Variants in MBNL2 observed in about 807,000 individuals in gnomAD.
MBNL2 encodes muscleblind like splicing regulator 2, also known as muscleblind-like protein 2.
A neutral mutation model predicts 41.9 loss-of-function variants in MBNL2; 17 were observed. That is an observed-to-expected ratio of 0.41 (90% CI 0.28 to 0.61). The LOEUF (loss-of-function observed/expected upper bound fraction) is 0.61. MBNL2 is among the 20% of genes least tolerant of loss of function. The pLI, the probability that MBNL2 is intolerant of heterozygous loss-of-function variation, is 0.35. For synonymous variants in MBNL2, 195 were observed against 182.9 expected (o/e 1.07, Z -0.53); for missense variants, 336 against 505.6 (o/e 0.66, Z 3.22).
intron 1 of MBNL2, among the ~76,000 whole-genome samples, chr13:97,257,708 C>A (rs1463697830): frequency 6.6e-6 from 1 of 152,230 alleles, no homozygotes; most frequent in Admixed American, 6.5e-5. Flanking sequence ...GCCCAGGGAG[C>A]TCCATGTAAA....
At chr13:97,274,143 A>G (rs1341682919) in intron 1 of MBNL2, among the ~76,000 whole-genome samples, 2 of 152,218 alleles carry the variant, frequency 1.3e-5, no homozygotes, top group African/African-American at 4.8e-5. Context: ...AGAGTTAAAT[A>G]AACTTAATTG....
chr13:97,150,371 C>T, the MBNL2 span, among the ~76,000 whole-genome samples: 3 of 152,184 alleles, frequency 2.0e-5, no homozygotes, highest in African/African-American at 7.2e-5. Context: ...TTGCCAAGTA[C>T]ATTCTAACGA....
intron 2 of MBNL2, among the ~76,000 whole-genome samples, chr13:97,320,086 A>C (rs1358789387): frequency 6.6e-6 from 1 of 152,160 alleles, no homozygotes. Flanking sequence ...GACAAAATAC[A>C]TTATCTAACA....
At chr13:97,154,925 T>C in the MBNL2 span, among the ~76,000 whole-genome samples, 1 of 151,940 alleles carries the variant, frequency 6.6e-6, no homozygotes, top group Non-Finnish European at 1.5e-5. Flanking sequence ...ACTGCACAAA[T>C]AGTATTGAGG....
the MBNL2 span, among the ~76,000 whole-genome samples, chr13:97,209,512 A>C: frequency 6.6e-6 from 1 of 152,228 alleles, no homozygotes; most frequent in African/African-American, 2.4e-5. Context: ...TGTTCAAAGG[A>C]GAGTGTGCAA....
chr13:97,248,259 C>T (rs1319334219), intron 1 of MBNL2, among the ~76,000 whole-genome samples: 1 of 152,174 alleles, frequency 6.6e-6, no homozygotes, highest in Non-Finnish European at 1.5e-5. Flanking sequence ...GTAGCTGGGA[C>T]TACAGGCGTG....
intron 8 of MBNL2, among the ~76,000 whole-genome samples, chr13:97,386,599 G>C (rs1178518458): frequency 1.3e-5 from 2 of 152,186 alleles, no homozygotes; most frequent in East Asian, 3.9e-4. Context: ...TGAGTCAATG[G>C]CAGGCAATTC....
the MBNL2 span, among the ~76,000 whole-genome samples, chr13:97,180,740 T>TAAAAAAAAAAA: frequency 3.5e-5 from 3 of 86,006 alleles, no homozygotes; most frequent in African/African-American, 4.6e-5. Context: ...AGACTCCATC[T>TAAAAAAAAAAA]AAAAAAAAAA....
chr13:97,294,751 TCTTA>T (rs1284497881), intron 2 of MBNL2, among the ~76,000 whole-genome samples: 1 of 152,184 alleles, frequency 6.6e-6, no homozygotes, highest in East Asian at 1.9e-4. Context: ...TCCCTGAAGG[TCTTA>T]CTTAAAGTTT....
intron 2 of MBNL2, among the ~76,000 whole-genome samples, chr13:97,294,558 T>G (rs541852021): frequency 6.6e-6 from 1 of 152,294 alleles, no homozygotes; most frequent in African/African-American, 2.4e-5. Flanking sequence ...GGCTGCCAAA[T>G]GATATTCCTT....
At chr13:97,215,220 A>G in the MBNL2 span, among the ~76,000 whole-genome samples, 2 of 152,190 alleles carry the variant, frequency 1.3e-5, no homozygotes, top group Non-Finnish European at 2.9e-5. Context: ...AAACCAGAAA[A>G]ACAATGAGAC....
rs1163499488 is a variant in MBNL2, at chr13:97,334,512, G to A, written c.339+72G>A. Reference sequence around the variant, plus strand: ...GTATGGATGATGCCACGTTGACCTAGGGTGGCCTCTCTCCACTTTGTCACT... The same window carrying A: ...GTATGGATGATGCCACGTTGACCTAAGGTGGCCTCTCTCCACTTTGTCACT... On this transcript the variant is annotated intron_variant, in intron 3 of 8. Coordinates refer to ENST00000679496, the MANE Select transcript of MBNL2 (RefSeq NM_001382683.1). The surrounding 1 kb of genome is among the most constrained non-coding windows in gnomAD (Gnocchi z 5.3). 6 of 1,125,654 alleles carry A rather than the reference G, an allele frequency of 5.3e-6. No homozygotes were observed. Among genetic ancestry groups the A allele is most frequent in the Non-Finnish European group, 7.4e-6 (6 of 809,400 alleles). 69.7% of individuals were successfully genotyped at this position (1,125,654 alleles called of 1,614,324 possible). A position where few individuals can be genotyped will look rare whatever the true frequency, so the allele number is the denominator to read the frequency against.
intron 1 of MBNL2, among the ~76,000 whole-genome samples, chr13:97,232,348 G>A (rs186402599): frequency 1.1e-3 from 161 of 152,192 alleles, no homozygotes; most frequent in African/African-American, 3.3e-3. Context: ...ACAGATGGCC[G>A]GTATTTTTAT....
At chr13:97,297,075 A>G (rs915783940) in intron 2 of MBNL2, among the ~76,000 whole-genome samples, 1 of 152,152 alleles carries the variant, frequency 6.6e-6, no homozygotes, top group African/African-American at 2.4e-5. Flanking sequence ...TACTATTTGA[A>G]GGTCAAAGTT....
intron 4 of MBNL2, 97 bp downstream of exon 4, chr13:97,343,313 ACAGC>A: frequency 1.1e-6 from 1 of 925,282 alleles, no homozygotes; most frequent in African/African-American, 1.7e-5. Context: ...GTCTTGCAAA[ACAGC>A]CATGTAAACA....
chr13:97,337,114 G>A (rs1234749736), intron 3 of MBNL2, among the ~76,000 whole-genome samples: 2 of 152,138 alleles, frequency 1.3e-5, no homozygotes, highest in Admixed American at 6.5e-5. Flanking sequence ...CCTGAGGGTG[G>A]AGCCCTCATG....
chr13:97,305,407 T>G (rs2058034373), intron 2 of MBNL2, among the ~76,000 whole-genome samples: 1 of 152,162 alleles, frequency 6.6e-6, no homozygotes, highest in Admixed American at 6.5e-5. Context: ...TCCCCAATAC[T>G]CAGCCAATAT....
intron 2 of MBNL2, among the ~76,000 whole-genome samples, chr13:97,319,624 T>TTTTC (rs1372943557): frequency 6.6e-6 from 1 of 152,182 alleles, no homozygotes; most frequent in Non-Finnish European, 1.5e-5. Context: ...CATTCACCCA[T>TTTTC]TTTCTTTGAC....
chr13:97,342,370 T>G (rs1013111471), intron 3 of MBNL2, among the ~76,000 whole-genome samples: 5 of 152,198 alleles, frequency 3.3e-5, no homozygotes, highest in African/African-American at 1.2e-4. Flanking sequence ...CAATATTGTT[T>G]GATTAAAAAG....
Sources: allele counts gnomAD v4.1 joint callset (sites outside exome capture counted in the v4.1 genomes callset), GRCh38; gene constraint gnomAD v4.1.1; non-coding constraint Gnocchi (gnomAD v3.1); transcripts MANE v1.5; gene names NCBI Gene and HGNC (gene_info 2026-07-23, HGNC 2026-07-21).